LRP2: variants seen among roughly 807,000 people sequenced by gnomAD.
LRP2 encodes LDL receptor related protein 2.
LRP2 carries 172 observed loss-of-function variants against 531.0 expected under a neutral mutation model. The ratio of observed to expected loss-of-function variants is 0.32; its 90% CI spans 0.29 to 0.37. The LOEUF (loss-of-function observed/expected upper bound fraction) is 0.37, where lower values mean the gene tolerates loss of function less well. Among genes scored for constraint, LRP2 ranks in the 10% least tolerant of loss-of-function variants. The pLI is 1.00. For missense variants in LRP2, 5,167 were observed against 5,868.3 expected, an observed-to-expected ratio of 0.88 and a Z score of 3.90; for synonymous variants, 1,992 against 2,027.6, an observed-to-expected ratio of 0.98 and a Z score of 0.47.
At chr2:169,291,819 A>G (rs1684006187) in intron 7 of LRP2, among the ~76,000 whole-genome samples, 1 of 152,184 alleles carries the variant, frequency 6.6e-6, no homozygotes, top group Non-Finnish European at 1.5e-5. Context: ...AAATAAGCTG[A>G]ACTGTTACCA....
At chr2:169,226,261 C>T (rs985607830) in intron 32 of LRP2, among the ~76,000 whole-genome samples, 161 bp downstream of exon 32, 2 of 152,304 alleles carry the variant, frequency 1.3e-5, no homozygotes, top group South Asian at 4.1e-4. Context: ...AGGCCAAGCT[C>T]ACATATATAC....
chr2:169,187,355 A>C (rs968107978), intron 49 of LRP2, among the ~76,000 whole-genome samples: 4 of 152,228 alleles, frequency 2.6e-5, no homozygotes, highest in African/African-American at 9.6e-5. Flanking sequence ...AAGTGGAATA[A>C]AGAAAACAAA....
chr2:169,181,365 G>C, intron 52 of LRP2, 83 bp downstream of exon 52: 1 of 1,372,190 alleles, frequency 7.3e-7, no homozygotes, highest in South Asian at 1.2e-5. Flanking sequence ...AGACAATAGA[G>C]GGGACTAATA....
rs563402062 is a variant in LRP2, at chr2:169,232,576, G to C, written c.5099-734C>G. Among the ~76,000 whole-genome samples, 25 of 152,266 alleles carry C rather than the reference G, an allele frequency of 1.6e-4. No individual in the cohort carries two copies. In the South Asian group the frequency reaches 5.2e-3, roughly 32 times the overall value. ...GAGAGAGAGGTTTCAGAACATGAGG[G>C]TAAAGAGCAAAAGAATTATGAGGGG... On this transcript the variant is annotated intron_variant, in intron 30 of 78. Transcript: ENST00000649046.
Position 169,292,386 on chromosome 2 carries a change from G to A in LRP2, c.653-17C>T. ...TCGGATAGTCTGGAATAAAGCAACA[G>A]CTGCACTCCAAAGACACAAATCACC... On this transcript the variant is annotated splice_polypyrimidine_tract_variant and intron_variant, in intron 6 of 78. Coordinates refer to ENST00000649046, the MANE Select transcript of LRP2 (RefSeq NM_004525.3). The A allele has an allele frequency of 6.7e-7, 1 of 1,486,450 alleles. No homozygotes were observed. Among genetic ancestry groups the A allele is most frequent in the Non-Finnish European group, 9.4e-7 (1 of 1,063,460 alleles). The allele number at this position is 1,486,450 out of a possible 1,614,324, so 92.1% of individuals were successfully genotyped here. A position where few individuals can be genotyped will look rare whatever the true frequency, so the allele number is the denominator to read the frequency against.
chr2:169,139,119 C>T (rs1276177068), intron 74 of LRP2, 132 bp downstream of exon 74: 2 of 1,356,252 alleles, frequency 1.5e-6, no homozygotes, highest in Admixed American at 1.7e-5. Context: ...ATCCTCACTA[C>T]TTTTTGTTTC....
chr2:169,160,872 C>T (rs1420022330), intron 63 of LRP2, among the ~76,000 whole-genome samples: 3 of 152,124 alleles, frequency 2.0e-5, no homozygotes, highest in African/African-American at 7.2e-5. Context: ...CCAAGTCCCA[C>T]AGAAAACGTA....
intron 1 of LRP2, among the ~76,000 whole-genome samples, chr2:169,324,393 AATT>A (rs1684987986): frequency 1.3e-5 from 2 of 152,188 alleles, no homozygotes; most frequent in Non-Finnish European, 2.9e-5. Flanking sequence ...AATTAACATT[AATT>A]GAGTTCATTA....
At chr2:169,142,565 C>T (rs376170479) in intron 71 of LRP2, 109 bp downstream of exon 71, 1 of 1,507,890 alleles carries the variant, frequency 6.6e-7, no homozygotes, top group African/African-American at 1.4e-5. Context: ...CTCCTTCCAG[C>T]CATCCCCACT....
At chr2:169,311,653 G>A (rs1244710750) in intron 3 of LRP2, among the ~76,000 whole-genome samples, 1 of 152,180 alleles carries the variant, frequency 6.6e-6, no homozygotes, top group Non-Finnish European at 1.5e-5. Flanking sequence ...GTGCAATGTG[G>A]TGCTGAGAGG....
chr2:169,303,667 C>T (rs996601189), intron 4 of LRP2, among the ~76,000 whole-genome samples: 5 of 151,952 alleles, frequency 3.3e-5, no homozygotes, highest in Non-Finnish European at 7.4e-5. Context: ...TTCTACATTT[C>T]CTCTGATTTC....
At chr2:169,170,395 G>C (rs1235907837) in intron 59 of LRP2, among the ~76,000 whole-genome samples, 156 bp downstream of exon 59, 1 of 152,142 alleles carries the variant, frequency 6.6e-6, no homozygotes, top group Non-Finnish European at 1.5e-5. Context: ...ATAATGCATA[G>C]AAAATACAGA....
intron 19 of LRP2, 38 bp downstream of exon 19, chr2:169,256,068 A>T: frequency 6.2e-7 from 1 of 1,607,236 alleles, no homozygotes; most frequent in Non-Finnish European, 8.5e-7. Context: ...CTTGCAATGT[A>T]TAAAAACAAT....
chr2:169,203,888 G>A (rs1688286383), intron 42 of LRP2, 94 bp downstream of exon 42: 3 of 1,370,318 alleles, frequency 2.2e-6, no homozygotes, highest in Non-Finnish European at 3.1e-6. Context: ...AGGAGAATTT[G>A]AATTTTTTCT....
chr2:169,228,989 T>C (rs1294028519), intron 31 of LRP2, among the ~76,000 whole-genome samples: 2 of 152,202 alleles, frequency 1.3e-5, no homozygotes, highest in Non-Finnish European at 2.9e-5. Flanking sequence ...GGAGAGCTTG[T>C]CATTCACTCA....
intron 34 of LRP2, among the ~76,000 whole-genome samples, chr2:169,217,221 A>T (rs1449051566): frequency 6.6e-6 from 1 of 152,106 alleles, no homozygotes; most frequent in Non-Finnish European, 1.5e-5. Flanking sequence ...TTCAACAGAC[A>T]ATTCTCCTAC....
At chr2:169,218,475 G>T (rs1479570592) in intron 34 of LRP2, among the ~76,000 whole-genome samples, 1 of 151,978 alleles carries the variant, frequency 6.6e-6, no homozygotes, top group Non-Finnish European at 1.5e-5. Flanking sequence ...ATGAATCTGG[G>T]TTATTGTTAT....
rs1224244702 is a variant in LRP2 at position 169,132,560 on chromosome 2, T to C, written c.13728+14A>G. The C allele has an allele frequency of 2.0e-6, 3 of 1,471,398 alleles. No homozygotes were observed. The African/African-American group carries it at 4.2e-5, about 20-fold the overall frequency. 91.1% of individuals were successfully genotyped at this position (1,471,398 alleles called of 1,614,324 possible). On this transcript the variant is annotated intron_variant, in intron 77 of 78. Transcript: ENST00000649046. ...TCCAAATCCCACATTATTTCAGGAGTCGGCAACTGTTACCTGAGTTCCATC... is the reference window on the plus strand; with the variant it reads ...TCCAAATCCCACATTATTTCAGGAGCCGGCAACTGTTACCTGAGTTCCATC...
At chr2:169,185,403 A>G in intron 50 of LRP2, 100 bp downstream of exon 50, 1 of 1,168,052 alleles carries the variant, frequency 8.6e-7, no homozygotes, top group East Asian at 2.5e-5. Flanking sequence ...ATGTATCTGC[A>G]TATTAACCCA....
Sources: gnomAD v4.1 joint callset for allele counts (sites outside exome capture counted in the v4.1 genomes callset) on GRCh38, gnomAD v4.1.1 for gene constraint, MANE v1.5 for transcripts, NCBI Gene and HGNC (gene_info 2026-07-23, HGNC 2026-07-21) for gene names.